The following SLC7A1 variants were observed in gnomAD, a reference collection of about 807,000 sequenced individuals.
SLC7A1 encodes solute carrier family 7 member 1, also known as high affinity cationic amino acid transporter 1.
Under a neutral mutation model 53.9 loss-of-function variants are expected in SLC7A1, and 10 were observed. The observed-to-expected ratio is 0.19, with a 90% confidence interval of 0.11 to 0.31. The LOEUF (loss-of-function observed/expected upper bound fraction) is 0.31, where lower values mean the gene tolerates loss of function less well. Ranked by LOEUF, SLC7A1 falls within the 10% of genes least tolerant of loss-of-function variation. The pLI is 1.00. For synonymous variants in SLC7A1, 342 were observed against 338.7 expected (o/e 1.01, Z -0.11); for missense variants, 525 against 827.2 (o/e 0.63, Z 4.48).
At chr13:29,566,269 TTA>T (rs1480568889) in intron 1 of SLC7A1, among the ~76,000 whole-genome samples, 1 of 152,170 alleles carries the variant, frequency 6.6e-6, no homozygotes, top group Non-Finnish European at 1.5e-5. Flanking sequence ...AGCAATTCCA[TTA>T]AGGTCAATGC....
intron 1 of SLC7A1, among the ~76,000 whole-genome samples, chr13:29,554,794 T>C (rs962810296): frequency 1.1e-4 from 17 of 152,252 alleles, no homozygotes; most frequent in African/African-American, 4.1e-4. Flanking sequence ...TGGAATCTTA[T>C]TCTATTCCCA....
chr13:29,533,330 A>G (rs1386322339), intron 3 of SLC7A1, among the ~76,000 whole-genome samples: 1 of 152,244 alleles, frequency 6.6e-6, no homozygotes, highest in Non-Finnish European at 1.5e-5. Flanking sequence ...ACTTTGTTTC[A>G]TTAAAAAAAG....
chr13:29,582,054 A>T (rs901689805), intron 1 of SLC7A1, among the ~76,000 whole-genome samples: 1 of 152,238 alleles, frequency 6.6e-6, no homozygotes, highest in Non-Finnish European at 1.5e-5. Context: ...TAAAAGCTTC[A>T]ATCCTTAATA....
At chr13:29,542,156 A>G (rs1300730590) in intron 2 of SLC7A1, among the ~76,000 whole-genome samples, 1 of 152,190 alleles carries the variant, frequency 6.6e-6, no homozygotes, top group Non-Finnish European at 1.5e-5. Context: ...AAGCGTCACT[A>G]AAGACTACAT....
At chr13:29,528,321 T>C (rs1395015838) in intron 5 of SLC7A1, among the ~76,000 whole-genome samples, 2 of 152,192 alleles carry the variant, frequency 1.3e-5, no homozygotes, top group Non-Finnish European at 2.9e-5. Context: ...CACAGAACAC[T>C]GGATGGGAAT....
chr13:29,582,183 C>T (rs1481031372), intron 1 of SLC7A1, among the ~76,000 whole-genome samples: 4 of 152,224 alleles, frequency 2.6e-5, no homozygotes, highest in African/African-American at 4.8e-5. Context: ...GCTTGCCACT[C>T]GGCTAATTAT....
intron 1 of SLC7A1, among the ~76,000 whole-genome samples, chr13:29,584,536 T>C (rs781062324): frequency 8.5e-5 from 13 of 152,204 alleles, no homozygotes; most frequent in Non-Finnish European, 1.3e-4. Flanking sequence ...TTGAGAAGCA[T>C]AGTAAATAAA....
rs1476055981 is a variant in SLC7A1 at position 29,511,779 on chromosome 13, G to A, written c.*2701C>T. On this transcript the variant is annotated 3_prime_UTR_variant, in exon 13 of 13. Transcript: ENST00000380752. ...GGGGTTGTGGGAGACAGGAAGGGATGTTTACCCATCACAAATGGGTCTTTC... is the reference window on the plus strand; with the variant it reads ...GGGGTTGTGGGAGACAGGAAGGGATATTTACCCATCACAAATGGGTCTTTC... 1 of 152,240 alleles carries A rather than the reference G, an allele frequency of 6.6e-6. No individual in the cohort carries two copies. Among genetic ancestry groups the A allele is most frequent in the Non-Finnish European group, 1.5e-5 (1 of 68,054 alleles). 9.4% of individuals were successfully genotyped at this position (152,240 alleles called of 1,614,324 possible). A position where few individuals can be genotyped will look rare whatever the true frequency, so the allele number is the denominator to read the frequency against.
chr13:29,514,614 C>A (rs1336862867), intron 12 of SLC7A1, 31 bp from the exon 13 acceptor site: 1 of 1,537,306 alleles, frequency 6.5e-7, no homozygotes, highest in Non-Finnish European at 8.9e-7. Context: ...CGGGCGTGAA[C>A]AGACCGCCGG....
chr13:29,565,186 G>A (rs1870916494), intron 1 of SLC7A1, among the ~76,000 whole-genome samples: 1 of 152,234 alleles, frequency 6.6e-6, no homozygotes, highest in Admixed American at 6.5e-5. Flanking sequence ...GTTTCTGTCT[G>A]CCAGTGACTT....
At chr13:29,574,412 C>G (rs1343705034) in intron 1 of SLC7A1, among the ~76,000 whole-genome samples, 1 of 152,170 alleles carries the variant, frequency 6.6e-6, no homozygotes, top group African/African-American at 2.4e-5. Context: ...CTCACGTGAA[C>G]AAGAACACGA....
intron 5 of SLC7A1, among the ~76,000 whole-genome samples, chr13:29,528,924 C>T (rs9579387): frequency 0.09 from 13,704 of 152,248 alleles, 672 homozygotes; most frequent in Middle Eastern, 0.14. Context: ...ACAATCTCTT[C>T]ATAAAAATAA....
At chr13:29,592,346 G>T (rs970291913) in intron 1 of SLC7A1, among the ~76,000 whole-genome samples, 12 of 152,210 alleles carry the variant, frequency 7.9e-5, no homozygotes, top group Admixed American at 5.9e-4. Flanking sequence ...CCAGAATCTG[G>T]TCCAAAGCCC....
chr13:29,514,328 G>A lies in SLC7A1; in HGVS notation c.*152C>T, dbSNP rs1883488836. 2 of 616,976 alleles carry A rather than the reference G, an allele frequency of 3.2e-6. No homozygotes were observed. The highest frequency in any genetic ancestry group is 2.6e-5 in the Admixed American group (1 of 39,208). The allele number at this position is 616,976 out of a possible 1,614,324, so 38.2% of individuals were successfully genotyped here. ...CCGGCTGCAGAGCCGAGGGTGGGCTGGGGCTGCAGGTCAAGTAATTGCACC... is the reference window on the plus strand; with the variant it reads ...CCGGCTGCAGAGCCGAGGGTGGGCTAGGGCTGCAGGTCAAGTAATTGCACC... On this transcript the variant is annotated 3_prime_UTR_variant, in exon 13 of 13. Coordinates refer to ENST00000380752, the MANE Select transcript of SLC7A1 (RefSeq NM_003045.5).
At chr13:29,593,337 T>C (rs1278717859) in intron 1 of SLC7A1, among the ~76,000 whole-genome samples, 1 of 152,154 alleles carries the variant, frequency 6.6e-6, no homozygotes. Flanking sequence ...GGGCCAACTA[T>C]ACAGAAAAAC....
At chr13:29,550,018 T>G (rs887197052) in intron 2 of SLC7A1, among the ~76,000 whole-genome samples, 4 of 152,216 alleles carry the variant, frequency 2.6e-5, no homozygotes, top group African/African-American at 7.2e-5. Context: ...TTTTAACATA[T>G]GCCCCAAATA....
At chr13:29,589,544 C>T (rs1159889764) in intron 1 of SLC7A1, among the ~76,000 whole-genome samples, 2 of 152,346 alleles carry the variant, frequency 1.3e-5, no homozygotes, top group Non-Finnish European at 2.9e-5. Context: ...TCCAGCTGTG[C>T]CAGGTGCCTG....
intron 8 of SLC7A1, 114 bp from the exon 9 acceptor site, chr13:29,519,663 C>A: frequency 1.6e-6 from 1 of 610,640 alleles, no homozygotes; most frequent in Non-Finnish European, 2.9e-6. Context: ...TTTACTCCCA[C>A]CCCCTCCCTG....
At chr13:29,566,436 T>G (rs1341914281) in intron 1 of SLC7A1, among the ~76,000 whole-genome samples, 1 of 152,230 alleles carries the variant, frequency 6.6e-6, no homozygotes, top group Admixed American at 6.5e-5. Flanking sequence ...GGAATATTAT[T>G]CAGCCATAAA....
Sources: allele counts gnomAD v4.1 joint callset (sites outside exome capture counted in the v4.1 genomes callset), GRCh38; gene constraint gnomAD v4.1.1; transcripts MANE v1.5; gene names NCBI Gene and HGNC (gene_info 2026-07-23, HGNC 2026-07-21).